CALN1: variants seen among roughly 807,000 people sequenced by gnomAD.
CALN1 encodes calcium-binding protein 8.
In CALN1, 17 loss-of-function variants were observed where a neutral mutation model predicts 30.6. The observed-to-expected ratio is 0.56, with a 90% confidence interval of 0.38 to 0.83. CALN1 has a LOEUF of 0.83. Ranked by LOEUF, CALN1 falls within the 40% of genes least tolerant of loss-of-function variation. The pLI is 0.00. For synonymous variants in CALN1, 156 were observed against 131.4 expected (o/e 1.19, Z -1.28); for missense variants, 291 against 354.9 (o/e 0.82, Z 1.45).
intron 3 of CALN1, among the ~76,000 whole-genome samples, chr7:72,257,760 G>C (rs1796009968): frequency 6.6e-6 from 1 of 152,170 alleles, no homozygotes; most frequent in African/African-American, 2.4e-5. Flanking sequence ...TATATGTTAT[G>C]TGCACCACGG....
At chr7:72,289,842 G>A (rs1206623721) in intron 2 of CALN1, among the ~76,000 whole-genome samples, 1 of 151,960 alleles carries the variant, frequency 6.6e-6, no homozygotes, top group Non-Finnish European at 1.5e-5. Flanking sequence ...TGTAATCCCA[G>A]CACTTTGGGA....
chr7:72,012,146 C>G (rs945490317), intron 5 of CALN1, among the ~76,000 whole-genome samples: 1 of 152,214 alleles, frequency 6.6e-6, no homozygotes, highest in Non-Finnish European at 1.5e-5. Flanking sequence ...TTCTCCCCAC[C>G]TACAGCCGCT....
chr7:71,959,209 G>T lies in CALN1; in HGVS notation c.501+64448C>A, dbSNP rs148230879. Among the ~76,000 whole-genome samples, 507 of 152,270 alleles carry T rather than the reference G, an allele frequency of 3.3e-3. 2 individuals carry two copies. Among genetic ancestry groups the T allele is most frequent in the Middle Eastern group, 0.017 (5 of 294 alleles). Reference sequence around the variant, plus strand: ...TGAGTCAGGTCTCATGGTTCAGGAGGAGCTTCCCTTCTGCCTGGTCTTAAA... The same window carrying T: ...TGAGTCAGGTCTCATGGTTCAGGAGTAGCTTCCCTTCTGCCTGGTCTTAAA... On this transcript the variant is annotated intron_variant, in intron 5 of 6. Coordinates refer to ENST00000395275, the MANE Select transcript of CALN1 (RefSeq NM_031468.4).
intron 5 of CALN1, among the ~76,000 whole-genome samples, chr7:71,859,358 TTTTA>T (rs1386073459): frequency 4.6e-5 from 7 of 152,208 alleles, no homozygotes; most frequent in South Asian, 2.1e-4. Context: ...GGGCATCATT[TTTTA>T]TTTGTCTGTT....
intron 6 of CALN1, among the ~76,000 whole-genome samples, chr7:71,800,718 T>C (rs112091731): frequency 2.6e-4 from 39 of 152,182 alleles, no homozygotes; most frequent in African/African-American, 8.4e-4. Context: ...CCCAGGTAAA[T>C]GACCCAGGGT....
chr7:72,207,409 G>T lies in CALN1; in HGVS notation c.244+71277C>A, dbSNP rs1200479289. Among the ~76,000 whole-genome samples, 3 of 152,126 alleles carry T rather than the reference G, an allele frequency of 2.0e-5. No individual in the cohort carries two copies. The East Asian group carries it at 5.8e-4, about 29-fold the overall frequency. On this transcript the variant is annotated intron_variant, in intron 3 of 6. Coordinates refer to ENST00000395275, the MANE Select transcript of CALN1 (RefSeq NM_031468.4). The stretch of plus-strand genomic sequence containing the variant: ...CTCCTATGCGGTTCCCAACCTGCCA[G>T]CCTGTTTTATTTTCTTGAGAGCACT...
At chr7:72,067,392 A>G (rs1678310372) in intron 4 of CALN1, among the ~76,000 whole-genome samples, 2 of 151,906 alleles carry the variant, frequency 1.3e-5, no homozygotes, top group East Asian at 2.0e-4. Flanking sequence ...CAGATGCTAT[A>G]TTACCATGCC....
intron 2 of CALN1, among the ~76,000 whole-genome samples, chr7:72,288,762 T>C (rs1482226453): frequency 6.6e-6 from 1 of 152,240 alleles, no homozygotes; most frequent in Non-Finnish European, 1.5e-5. Flanking sequence ...TATTGGATTG[T>C]TTATGATTTT....
At chr7:72,210,486 T>C (rs917937900) in intron 3 of CALN1, among the ~76,000 whole-genome samples, 4 of 151,922 alleles carry the variant, frequency 2.6e-5, no homozygotes, top group Admixed American at 6.6e-5. Context: ...TGGTAATTTA[T>C]AAAGGAAAGA....
At chr7:71,986,088 C>T (rs1451295630) in intron 5 of CALN1, among the ~76,000 whole-genome samples, 1 of 151,760 alleles carries the variant, frequency 6.6e-6, no homozygotes, top group Non-Finnish European at 1.5e-5. Context: ...TTGCTCTGCA[C>T]CTAGGCTGGA....
At position 72,376,185 on chromosome 7, in the gene CALN1, A is replaced by G. The variant is rs143938167; in HGVS notation, c.119+27066T>C. Among the ~76,000 whole-genome samples the G allele has an allele frequency of 5.7e-4, 87 of 152,322 alleles. 1 individual carries two copies. In the East Asian group the frequency reaches 0.014, roughly 25 times the overall value. On this transcript the variant is annotated intron_variant, in intron 2 of 6. Transcript: ENST00000395275. ...TGTATTCAATTTTTAACTATTGTCA[A>G]TAATTCTGCTACAAGCATTTATATA...
At chr7:72,028,258 G>T (rs1454952897) in intron 4 of CALN1, among the ~76,000 whole-genome samples, 1 of 139,492 alleles carries the variant, frequency 7.2e-6, no homozygotes, top group Non-Finnish European at 1.5e-5. Context: ...AAGGTAGCAA[G>T]AGGAGCAAGA....
chr7:72,204,737 C>T (rs888957554), intron 3 of CALN1, among the ~76,000 whole-genome samples: 1 of 152,030 alleles, frequency 6.6e-6, no homozygotes, highest in Admixed American at 6.6e-5. Context: ...TAGAACAATC[C>T]CTGCAACATG....
intron 4 of CALN1, among the ~76,000 whole-genome samples, chr7:72,049,879 G>A (rs1273585849): frequency 2.0e-5 from 3 of 149,866 alleles, no homozygotes; most frequent in African/African-American, 4.9e-5. Flanking sequence ...GTGCAATCTC[G>A]GCTCACTGCA....
chr7:71,974,417 CAAAAAAAAAAAA>C (rs1052896558), intron 5 of CALN1, among the ~76,000 whole-genome samples: 6,764 of 55,372 alleles, frequency 0.12, 449 homozygotes, highest in African/African-American at 0.27. Flanking sequence ...GACTCCATCT[CAAAAAAAAAAAA>C]AAAAAAAAAA....
At chr7:72,174,246 G>T (rs1367777932) in intron 3 of CALN1, among the ~76,000 whole-genome samples, 1 of 152,066 alleles carries the variant, frequency 6.6e-6, no homozygotes, top group African/African-American at 2.4e-5. Context: ...GGATTGGCAA[G>T]GATGTAGAGC....
At chr7:71,855,639 C>A (rs1291378942) in intron 5 of CALN1, among the ~76,000 whole-genome samples, 1 of 152,066 alleles carries the variant, frequency 6.6e-6, no homozygotes. Context: ...GTGTTGTGGT[C>A]CCTCGTGGGC....
In CALN1 at chr7:71,835,529, A is replaced by G. The variant is rs542679525; in HGVS notation, c.502-25037T>C. Among the ~76,000 whole-genome samples the G allele has an allele frequency of 7.4e-4, 113 of 152,316 alleles. 1 individual carries two copies. The highest frequency in any genetic ancestry group is 1.0e-3 in the Non-Finnish European group (71 of 68,030). ...CAGATCACAAATCGAGCACACGGCT[A>G]AGCTGTGCAATGTGACATTTGTTAG... On this transcript the variant is annotated intron_variant, in intron 5 of 6. Coordinates refer to ENST00000395275, the MANE Select transcript of CALN1 (RefSeq NM_031468.4).
intron 5 of CALN1, among the ~76,000 whole-genome samples, chr7:71,857,781 C>G (rs1467760335): frequency 1.3e-5 from 2 of 152,110 alleles, no homozygotes; most frequent in Non-Finnish European, 2.9e-5. Context: ...GTATCTTAAA[C>G]CAAGATGTCT....
Sources: gnomAD v4.1 joint callset for allele counts (sites outside exome capture counted in the v4.1 genomes callset) on GRCh38, gnomAD v4.1.1 for gene constraint, MANE v1.5 for transcripts, NCBI Gene and HGNC (gene_info 2026-07-23, HGNC 2026-07-21) for gene names.